Variants in RGS22 observed in about 807,000 individuals in gnomAD.
RGS22 encodes regulator of G-protein signaling 22.
A neutral mutation model predicts 172.9 loss-of-function variants in RGS22; 148 were observed. The observed-to-expected ratio is 0.86, with a 90% CI of 0.75 to 0.98. The LOEUF (loss-of-function observed/expected upper bound fraction) is 0.98, where lower values mean the gene tolerates loss of function less well. Among genes scored for constraint, RGS22 ranks in the 50% least tolerant of loss-of-function variants. RGS22 has a pLI of 0.00. For synonymous variants in RGS22, 458 were observed against 480.2 expected, an observed-to-expected ratio of 0.95 and a Z score of 0.60; for missense variants, 1,347 against 1,440.8, an observed-to-expected ratio of 0.93 and a Z score of 1.05.
chr8:100,016,067 A>C (rs1334549498), intron 14 of RGS22, among the ~76,000 whole-genome samples: 1 of 152,222 alleles, frequency 6.6e-6, no homozygotes, highest in East Asian at 1.9e-4. Context: ...AGTTAGATAA[A>C]TTCTGAAGTT....
Position 100,063,334 on chromosome 8 carries a change from G to A in RGS22, c.1352+82C>T, listed in dbSNP as rs868704624. 20 of 965,144 alleles carry A rather than the reference G, an allele frequency of 2.1e-5. No homozygotes were observed. In the South Asian group the frequency reaches 4.4e-4, roughly 21 times the overall value. 59.8% of individuals were successfully genotyped at this position (965,144 alleles called of 1,614,324 possible). A position where few individuals can be genotyped will look rare whatever the true frequency, so the allele number is the denominator to read the frequency against. ...TTACATTTTTTAAAATTTACTTTGGGCTTTCTCCCTGTGCTAAATAACCCA... is the reference window on the plus strand; with the variant it reads ...TTACATTTTTTAAAATTTACTTTGGACTTTCTCCCTGTGCTAAATAACCCA... On this transcript the variant is annotated intron_variant, in intron 8 of 27. Coordinates refer to ENST00000360863, the MANE Select transcript of RGS22 (RefSeq NM_015668.5).
At chr8:100,034,472 A>G (rs1178001535) in intron 14 of RGS22, among the ~76,000 whole-genome samples, 1 of 152,226 alleles carries the variant, frequency 6.6e-6, no homozygotes, top group East Asian at 1.9e-4. Context: ...AAGAGGACAC[A>G]AACAAATGGA....
At chr8:100,103,533 T>C (rs1332741577) in intron 2 of RGS22, among the ~76,000 whole-genome samples, 8 of 152,144 alleles carry the variant, frequency 5.3e-5, no homozygotes, top group African/African-American at 1.7e-4. Context: ...GTTTAGACTG[T>C]TGACACGGAC....
intron 14 of RGS22, among the ~76,000 whole-genome samples, chr8:100,010,982 A>T (rs1343350176): frequency 6.6e-6 from 1 of 151,826 alleles, no homozygotes; most frequent in Non-Finnish European, 1.5e-5. Flanking sequence ...TCTAAAGATA[A>T]GTTGGAGTCA....
chr8:100,057,971 C>T (rs1261825053), intron 9 of RGS22, among the ~76,000 whole-genome samples: 1 of 152,038 alleles, frequency 6.6e-6, no homozygotes, highest in South Asian at 2.1e-4. Context: ...TTCAAGATAA[C>T]ACAGAGAAGA....
intron 2 of RGS22, 64 bp from the exon 3 acceptor site, chr8:100,093,573 T>G: frequency 1.9e-6 from 2 of 1,068,590 alleles, no homozygotes; most frequent in Admixed American, 4.2e-5. Context: ...GCCTATATTA[T>G]TCTCTATTTC....
In RGS22 at chr8:100,052,921, G is replaced by C. The variant is rs1239286846; in HGVS notation, c.1570C>G (p.Leu524Val). The C allele has an allele frequency of 8.7e-6, 14 of 1,613,914 alleles. No homozygotes were observed. Among genetic ancestry groups the C allele is most frequent in the Admixed American group, 3.3e-5 (2 of 59,998 alleles). Residue 524 changes from leucine to valine, a missense_variant, in exon 10 of 28, where the codon CTG becomes GTG. Transcript: ENST00000360863. ...SASTKYASAELKFWHLRQAKP... is the reference protein window; with the variant it reads ...SASTKYASAEVKFWHLRQAKP... ...GCTTGACGGAGGTGCCAGAATTTCA[G>C]TTCAGCACTAGCATATTTTGTTGAG...
intron 9 of RGS22, among the ~76,000 whole-genome samples, chr8:100,061,290 A>G (rs1461745187): frequency 3.9e-5 from 6 of 152,246 alleles, no homozygotes; most frequent in African/African-American, 1.2e-4. Flanking sequence ...AATTGCAACA[A>G]AAGCAAAAAT....
rs1370410578 is a variant in RGS22, at chr8:99,975,854, C to G, written c.3519+2063G>C. ...GGAGCTACCTCACCCAGCTGATTCT[C>G]TCCTTTAGAATAAATTTCTAGAAGT... On this transcript the variant is annotated intron_variant, in intron 23 of 27. Transcript: ENST00000360863. 2.0e-5 allele frequency among the ~76,000 whole-genome samples: 3 copies of G among 152,138 alleles called. No homozygotes were observed. The East Asian group carries it at 5.8e-4, about 29-fold the overall frequency.
chr8:100,060,705 G>C (rs534002921), intron 9 of RGS22, among the ~76,000 whole-genome samples: 2 of 151,994 alleles, frequency 1.3e-5, no homozygotes, highest in South Asian at 2.1e-4. Context: ...CATACTCATG[G>C]ATAAGAAGAA....
In RGS22 at chr8:100,086,657, G is replaced by A. The variant is rs150774848; in HGVS notation, c.118-6302C>T. On this transcript the variant is annotated intron_variant, in intron 3 of 27. Transcript: ENST00000360863. ...TTCATATCCTAAGGCTCAGCATGACGCAATATACCCAGGTAACAAACCTGC... is the reference window on the plus strand; with the variant it reads ...TTCATATCCTAAGGCTCAGCATGACACAATATACCCAGGTAACAAACCTGC... Among the ~76,000 whole-genome samples, 13 of 151,916 alleles carry A rather than the reference G, an allele frequency of 8.6e-5. No individual in the cohort carries two copies. The East Asian group carries it at 2.1e-3, about 25-fold the overall frequency.
intron 5 of RGS22, among the ~76,000 whole-genome samples, chr8:100,071,759 C>G (rs1810998720): frequency 6.6e-6 from 1 of 152,096 alleles, no homozygotes; most frequent in South Asian, 2.1e-4. Flanking sequence ...GTTCAGAGGT[C>G]AAATTTTAGG....
chr8:100,066,089 A>C, intron 7 of RGS22, 78 bp downstream of exon 7: 2 of 1,402,876 alleles, frequency 1.4e-6, no homozygotes, highest in Non-Finnish European at 2.0e-6. Flanking sequence ...ACCACTAAGT[A>C]CTGTACTGTA....
chr8:100,056,745 A>C (rs1459844769), intron 9 of RGS22, among the ~76,000 whole-genome samples: 2 of 152,188 alleles, frequency 1.3e-5, no homozygotes, highest in Non-Finnish European at 2.9e-5. Flanking sequence ...GTATGTACGG[A>C]AACTCCTGGA....
At chr8:100,031,590 C>T (rs191526486) in intron 14 of RGS22, among the ~76,000 whole-genome samples, 1 of 151,728 alleles carries the variant, frequency 6.6e-6, no homozygotes, top group Admixed American at 6.6e-5. Context: ...TGTGTGTGTA[C>T]TTAAACATGT....
chr8:99,975,015 A>G (rs188759008), intron 23 of RGS22, among the ~76,000 whole-genome samples: 5 of 152,032 alleles, frequency 3.3e-5, no homozygotes, highest in Admixed American at 3.3e-4. Flanking sequence ...GCGTGGTGGT[A>G]TGCACCTTTA....
At chr8:100,026,774 G>C (rs1818224267) in intron 14 of RGS22, among the ~76,000 whole-genome samples, 2 of 152,172 alleles carry the variant, frequency 1.3e-5, no homozygotes, top group Non-Finnish European at 2.9e-5. Context: ...AGAAGCATAA[G>C]ACTAAAGGAC....
At chr8:100,046,946 T>C (rs1263250729) in intron 11 of RGS22, among the ~76,000 whole-genome samples, 3 of 151,982 alleles carry the variant, frequency 2.0e-5, no homozygotes, top group African/African-American at 4.8e-5. Context: ...TTCCGAGTAG[T>C]TGATACTACA....
intron 14 of RGS22, among the ~76,000 whole-genome samples, chr8:100,016,756 G>A (rs183268411): frequency 3.9e-4 from 60 of 152,016 alleles, no homozygotes; most frequent in African/African-American, 1.3e-3. Flanking sequence ...CAGCCTGGGC[G>A]ACAGAGCAAG....
Sources: gnomAD v4.1 joint callset for allele counts (sites outside exome capture counted in the v4.1 genomes callset) on GRCh38, gnomAD v4.1.1 for gene constraint, MANE v1.5 for transcripts, NCBI Gene and HGNC (gene_info 2026-07-23, HGNC 2026-07-21) for gene names.